PRKG1: variants seen among roughly 807,000 people sequenced by gnomAD.
The protein encoded by PRKG1 is cGMP-dependent protein kinase 1.
Under a neutral mutation model 88.1 loss-of-function variants are expected in PRKG1, and 35 were observed. The ratio of observed to expected loss-of-function variants is 0.40; its 90% CI spans 0.30 to 0.53. The LOEUF is 0.53. PRKG1 is among the 20% of genes least tolerant of loss of function. The probability of loss-of-function intolerance (pLI) is 0.59; values close to 1 mark genes in which losing one functional copy is unlikely to be tolerated. For missense variants in PRKG1, 540 were observed against 839.8 expected (o/e 0.64, Z 4.41); for synonymous variants, 303 against 292.5 (o/e 1.04, Z -0.37).
chr10:51,740,706 AG>A (rs1343321866), intron 3 of PRKG1, among the ~76,000 whole-genome samples: 2 of 152,144 alleles, frequency 1.3e-5, no homozygotes, highest in Admixed American at 1.3e-4. Flanking sequence ...AAATGTCTCA[AG>A]GACTCTAAGT....
At chr10:51,329,800 T>C (rs567632072) in intron 2 of PRKG1, among the ~76,000 whole-genome samples, 1 of 152,248 alleles carries the variant, frequency 6.6e-6, no homozygotes, top group African/African-American at 2.4e-5. Context: ...TGTAAGATTT[T>C]TGCTGCGAAG....
intron 3 of PRKG1, among the ~76,000 whole-genome samples, chr10:51,693,387 CA>C (rs1841196697): frequency 6.6e-6 from 1 of 150,662 alleles, no homozygotes; most frequent in African/African-American, 2.4e-5. Context: ...GATGTTACCC[CA>C]AGTGTCACTT....
chr10:52,179,630 C>A (rs1222949121), intron 9 of PRKG1, among the ~76,000 whole-genome samples: 1 of 152,124 alleles, frequency 6.6e-6, no homozygotes, highest in Non-Finnish European at 1.5e-5. Context: ...GGATGTCTAT[C>A]TCACAGGGCT....
At chr10:51,960,721 A>C (rs1164670594) in intron 5 of PRKG1, among the ~76,000 whole-genome samples, 1 of 152,156 alleles carries the variant, frequency 6.6e-6, no homozygotes, top group Non-Finnish European at 1.5e-5. Context: ...TCCAACTGAA[A>C]TGGGAGATGA....
At chr10:51,686,812 T>G (rs922020703) in intron 3 of PRKG1, among the ~76,000 whole-genome samples, 1 of 152,208 alleles carries the variant, frequency 6.6e-6, no homozygotes, top group African/African-American at 2.4e-5. Flanking sequence ...CTTGGCTCAC[T>G]GCAACCTCTG....
intron 2 of PRKG1, among the ~76,000 whole-genome samples, chr10:51,238,223 G>A (rs1589269286): frequency 6.6e-6 from 1 of 152,148 alleles, no homozygotes; most frequent in Non-Finnish European, 1.5e-5. Context: ...ATCATAAAAT[G>A]TTGGTGGGCA....
At chr10:51,975,540 T>TTA (rs1843810205) in intron 5 of PRKG1, among the ~76,000 whole-genome samples, 1 of 152,136 alleles carries the variant, frequency 6.6e-6, no homozygotes, top group Non-Finnish European at 1.5e-5. Flanking sequence ...AATGCTGTTC[T>TTA]TATATAAGTT....
intron 1 of PRKG1, among the ~76,000 whole-genome samples, chr10:51,105,787 C>G (rs73340484): frequency 0.047 from 7,228 of 152,188 alleles, 253 homozygotes; most frequent in African/African-American, 0.095. Context: ...AATGTTACTA[C>G]TTTTGCCTTC....
At chr10:52,239,521 T>TAAAAAAAAAAAAAA in intron 9 of PRKG1, among the ~76,000 whole-genome samples, 1 of 56,738 alleles carries the variant, frequency 1.8e-5, no homozygotes, top group Non-Finnish European at 2.9e-5. Context: ...TTCTACAGTG[T>TAAAAAAAAAAAAAA]AAAAAAAAAA....
At chr10:51,585,800 G>A (rs1248758977) in intron 3 of PRKG1, among the ~76,000 whole-genome samples, 1 of 152,174 alleles carries the variant, frequency 6.6e-6, no homozygotes, top group African/African-American at 2.4e-5. Context: ...AAGAAGGAGT[G>A]AAATCATGTG....
At chr10:51,858,490 A>C (rs1231337792) in intron 4 of PRKG1, among the ~76,000 whole-genome samples, 2 of 132,788 alleles carry the variant, frequency 1.5e-5, no homozygotes, top group African/African-American at 5.5e-5. Context: ...TCTCAGCAAA[A>C]TATAAATGTG....
intron 9 of PRKG1, among the ~76,000 whole-genome samples, chr10:52,195,369 G>A (rs1019482456): frequency 6.6e-6 from 1 of 152,060 alleles, no homozygotes; most frequent in Non-Finnish European, 1.5e-5. Context: ...TAATCAAAGA[G>A]CATGCATAAG....
intron 1 of PRKG1, among the ~76,000 whole-genome samples, chr10:51,004,696 T>C (rs1842923391): frequency 6.6e-6 from 1 of 152,126 alleles, no homozygotes; most frequent in Non-Finnish European, 1.5e-5. Context: ...AAAGTCCATA[T>C]TGTGCACTTG....
intron 5 of PRKG1, among the ~76,000 whole-genome samples, chr10:51,978,213 G>A (rs975542316): frequency 1.3e-5 from 2 of 151,874 alleles, no homozygotes; most frequent in Non-Finnish European, 2.9e-5. Flanking sequence ...TTATTGAATA[G>A]GGAGTCCTTA....
At chr10:51,580,089 C>T (rs1415512430) in intron 3 of PRKG1, among the ~76,000 whole-genome samples, 2 of 152,050 alleles carry the variant, frequency 1.3e-5, no homozygotes, top group Non-Finnish European at 2.9e-5. Context: ...TTTGTCTGTA[C>T]ACAAAATATA....
At chr10:51,735,533 A>G (rs1837242152) in intron 3 of PRKG1, among the ~76,000 whole-genome samples, 1 of 151,604 alleles carries the variant, frequency 6.6e-6, no homozygotes, top group Non-Finnish European at 1.5e-5. Context: ...TGCCTTAAAG[A>G]AACACAAGAA....
At chr10:52,059,014 G>C (rs1035167349) in intron 6 of PRKG1, among the ~76,000 whole-genome samples, 1 of 151,726 alleles carries the variant, frequency 6.6e-6, no homozygotes, top group Non-Finnish European at 1.5e-5. Context: ...TGAAAGACTT[G>C]AACACATCAG....
chr10:51,381,810 T>C (rs1419015780), intron 2 of PRKG1, among the ~76,000 whole-genome samples: 1 of 152,240 alleles, frequency 6.6e-6, no homozygotes, highest in Non-Finnish European at 1.5e-5. Context: ...GGATGCCTAA[T>C]GTTTTAGCTT....
At chr10:51,524,321 T>A (rs1437730274) in intron 3 of PRKG1, among the ~76,000 whole-genome samples, 1 of 152,122 alleles carries the variant, frequency 6.6e-6, no homozygotes, top group Non-Finnish European at 1.5e-5. Context: ...CTGGGAAAAA[T>A]GGTGATTTAA....
Sources: allele counts gnomAD v4.1 joint callset (sites outside exome capture counted in the v4.1 genomes callset), GRCh38; gene constraint gnomAD v4.1.1; transcripts MANE v1.5; gene names NCBI Gene and HGNC (gene_info 2026-07-23, HGNC 2026-07-21).